The following MAP4 variants were observed in gnomAD, a reference collection of about 807,000 sequenced individuals.
MAP4 encodes microtubule associated protein 4.
Under a neutral mutation model 170.2 loss-of-function variants are expected in MAP4, and 76 were observed. The observed-to-expected ratio is 0.45, with a 90% confidence interval of 0.37 to 0.54. The LOEUF (loss-of-function observed/expected upper bound fraction) is 0.54. Among genes scored for constraint, MAP4 ranks in the 20% least tolerant of loss-of-function variants. The pLI is 0.00. For synonymous variants in MAP4, 909 were observed against 994.5 expected, an observed-to-expected ratio of 0.91 and a Z score of 1.62; for missense variants, 2,506 against 2,748.0, an observed-to-expected ratio of 0.91 and a Z score of 1.97.
chr3:48,070,647 T>C (rs1470213257), intron 1 of MAP4, among the ~76,000 whole-genome samples: 2 of 151,424 alleles, frequency 1.3e-5, no homozygotes, highest in African/African-American at 2.4e-5. Flanking sequence ...GTAGAACAGG[T>C]TGGAAGTGTG....
chr3:47,953,784 C>T (rs1248559389), intron 3 of MAP4, among the ~76,000 whole-genome samples: 1 of 152,016 alleles, frequency 6.6e-6, no homozygotes, highest in African/African-American at 2.4e-5. Context: ...GAGGCCGAGC[C>T]AGGTGGATCA....
intron 15 of MAP4, among the ~76,000 whole-genome samples, chr3:47,870,465 AC>A (rs1276501465): frequency 6.6e-6 from 1 of 152,050 alleles, no homozygotes; most frequent in Non-Finnish European, 1.5e-5. Flanking sequence ...ACCATGAAAA[AC>A]TAGGCTCATG....
intron 2 of MAP4, among the ~76,000 whole-genome samples, chr3:47,994,966 G>T (rs1014546940): frequency 5.4e-5 from 8 of 148,852 alleles, no homozygotes; most frequent in African/African-American, 2.0e-4. Flanking sequence ...AAAAAAAAAA[G>T]TTCATTAACT....
chr3:47,888,137 C>G (rs550005180), intron 10 of MAP4, among the ~76,000 whole-genome samples: 4 of 152,256 alleles, frequency 2.6e-5, no homozygotes, highest in South Asian at 2.1e-4. Flanking sequence ...GATGGGGACA[C>G]GGAGAACCTT....
At chr3:47,856,253 G>A (rs928130159) in intron 18 of MAP4, among the ~76,000 whole-genome samples, 3 of 152,148 alleles carry the variant, frequency 2.0e-5, no homozygotes, top group African/African-American at 4.8e-5. Context: ...GAGGTCTCCC[G>A]GTGTCCCATA....
At chr3:47,859,593 G>A (rs769691280) in intron 17 of MAP4, among the ~76,000 whole-genome samples, 1 of 152,024 alleles carries the variant, frequency 6.6e-6, no homozygotes, top group African/African-American at 2.4e-5. Flanking sequence ...CCTTCCATAC[G>A]GCCTCACATA....
intron 2 of MAP4, among the ~76,000 whole-genome samples, chr3:47,997,400 A>G (rs1287346889): frequency 1.3e-5 from 2 of 151,204 alleles, no homozygotes; most frequent in Admixed American, 6.6e-5. Context: ...ATATTTTTAA[A>G]TATTTTTAAA....
intron 17 of MAP4, among the ~76,000 whole-genome samples, chr3:47,864,902 G>A (rs1041027842): frequency 5.3e-5 from 8 of 152,072 alleles, no homozygotes; most frequent in South Asian, 4.2e-4. Context: ...GCCCAGCTGG[G>A]GGGCTCATCA....
Position 47,912,290 on chromosome 3 carries a change from T to C in MAP4, c.2131A>G (p.Thr711Ala). The C allele has an allele frequency of 1.3e-6, 2 of 1,535,836 alleles. No homozygotes were observed. The highest frequency in any genetic ancestry group is 8.7e-7 in the Non-Finnish European group (1 of 1,146,836). Residue 711 changes from threonine (T) to alanine (A), a missense_variant, in exon 9 of 21, where the codon ACT becomes GCT. Transcript: ENST00000683076. ...ELLGGSPPWK[T>A]LDHRLGHCSL... is the part of the protein sequence containing the mutation. ...CAGTGGCCCAGCCTGTGATCAAGAG[T>C]CTTCCATGGAGGAGAGCCTCCCAGC...
chr3:48,058,146 A>C (rs561114758), intron 1 of MAP4, among the ~76,000 whole-genome samples: 1 of 152,362 alleles, frequency 6.6e-6, no homozygotes, highest in East Asian at 1.9e-4. Context: ...CAATACCTTA[A>C]AACAAGTGCA....
chr3:47,903,025 T>A (rs1324140697), intron 9 of MAP4, 25 bp from the exon 10 acceptor site: 3 of 973,510 alleles, frequency 3.1e-6, no homozygotes, highest in Middle Eastern at 5.2e-4. Flanking sequence ...GAAAGCCAGA[T>A]TATAAGAAGA....
At chr3:48,027,040 A>G (rs2100113466) in intron 1 of MAP4, among the ~76,000 whole-genome samples, 1 of 152,256 alleles carries the variant, frequency 6.6e-6, no homozygotes, top group South Asian at 2.1e-4. Context: ...AAGTATGCCA[A>G]GAGTCCAAAA....
At chr3:48,004,550 G>A (rs1255338565) in intron 1 of MAP4, among the ~76,000 whole-genome samples, 1 of 152,206 alleles carries the variant, frequency 6.6e-6, no homozygotes, top group Non-Finnish European at 1.5e-5. Flanking sequence ...AGATTGCCCT[G>A]AGTGAGAGTC....
chr3:47,852,683 G>C lies in MAP4; in HGVS notation c.*251C>G. On this transcript the variant is annotated 3_prime_UTR_variant, in exon 21 of 21. Coordinates refer to ENST00000683076, the MANE Select transcript of MAP4 (RefSeq NM_001385682.1). ...AAAGCAGGGAGATGGGCCCAGGCTGGGGAGTGAGAGGAGGTGTGGGGCAGG... is the reference window on the plus strand; with the variant it reads ...AAAGCAGGGAGATGGGCCCAGGCTGCGGAGTGAGAGGAGGTGTGGGGCAGG... 2 of 1,398,518 alleles carry C rather than the reference G, an allele frequency of 1.4e-6. No individual in the cohort carries two copies. The highest frequency in any genetic ancestry group is 1.9e-6 in the Non-Finnish European group (2 of 1,047,040). 86.6% of individuals were successfully genotyped at this position (1,398,518 alleles called of 1,614,324 possible).
intron 19 of MAP4, among the ~76,000 whole-genome samples, 189 bp from the exon 20 acceptor site, chr3:47,853,541 C>G (rs1033009923): frequency 6.6e-6 from 1 of 151,568 alleles, no homozygotes; most frequent in Non-Finnish European, 1.5e-5. Context: ...CCTGGGAGAC[C>G]GACTCCCGAG....
rs375063872 is a variant in MAP4 at position 47,877,529 on chromosome 3, G to A, written c.5435-6C>T. The A allele has an allele frequency of 6.3e-7, 1 of 1,594,802 alleles. No homozygotes were observed. The highest frequency in any genetic ancestry group is 1.1e-5 in the South Asian group (1 of 90,178). Reference sequence around the variant, plus strand: ...TTCTTCTGGCCTGGCTATTCCTAAGGGGAGAGGGTGAGTGGGAATTATGCT... The same window carrying A: ...TTCTTCTGGCCTGGCTATTCCTAAGAGGAGAGGGTGAGTGGGAATTATGCT... On this transcript the variant is annotated splice_polypyrimidine_tract_variant and splice_region_variant and intron_variant, in intron 10 of 20. Transcript: ENST00000683076.
chr3:48,074,017 A>G (rs1460288928), intron 1 of MAP4, among the ~76,000 whole-genome samples: 1 of 152,164 alleles, frequency 6.6e-6, no homozygotes, highest in Non-Finnish European at 1.5e-5. Context: ...ATGTATGTTT[A>G]CTGCGGCACT....
chr3:48,086,570 T>C (rs2100149176), intron 1 of MAP4, among the ~76,000 whole-genome samples: 1 of 151,902 alleles, frequency 6.6e-6, no homozygotes, highest in African/African-American at 2.4e-5. Context: ...ACTCCGGAGG[T>C]AGAGTCTGCA....
intron 1 of MAP4, among the ~76,000 whole-genome samples, chr3:48,036,778 A>G (rs962782666): frequency 3.3e-5 from 5 of 152,388 alleles, no homozygotes; most frequent in African/African-American, 1.2e-4. Context: ...TGTAAACAAA[A>G]GAGCCTGCAA....
Sources: allele counts gnomAD v4.1 joint callset (sites outside exome capture counted in the v4.1 genomes callset), GRCh38; gene constraint gnomAD v4.1.1; transcripts MANE v1.5; gene names NCBI Gene and HGNC (gene_info 2026-07-23, HGNC 2026-07-21).